Variants in FAM153A observed in about 807,000 individuals in gnomAD.
The protein encoded by FAM153A is family with sequence similarity 153 member A.
A neutral mutation model predicts 48.1 loss-of-function variants in FAM153A; 12 were observed. The ratio of observed to expected loss-of-function variants is 0.25; its 90% CI spans 0.16 to 0.40. The LOEUF is 0.40. Ranked by LOEUF, FAM153A falls within the 10% of genes least tolerant of loss-of-function variation. The pLI is 1.00. For missense variants in FAM153A, 111 were observed against 345.8 expected, an observed-to-expected ratio of 0.32 and a Z score of 5.38; for synonymous variants, 36 against 118.2, an observed-to-expected ratio of 0.30 and a Z score of 4.51.
chr5:177,760,802 G>C (rs1768242713), intron 1 of FAM153A, among the ~76,000 whole-genome samples: 1 of 102,048 alleles, frequency 9.8e-6, no homozygotes, highest in South Asian at 4.1e-4. Flanking sequence ...AAGAGGAAAA[G>C]ACAAGTCCAG....
intron 14 of FAM153A, among the ~76,000 whole-genome samples, chr5:177,733,764 CA>C (rs1350233053): frequency 2.7e-4 from 37 of 138,892 alleles, no homozygotes; most frequent in East Asian, 2.5e-3. Flanking sequence ...ATTCTAGTGG[CA>C]AGAGGAAATA....
upstream of FAM153A, among the ~76,000 whole-genome samples, chr5:177,754,774 T>C (rs146796857): frequency 0.014 from 2,111 of 151,908 alleles, 103 homozygotes; most frequent in African/African-American, 0.049. Context: ...CAGCTGAGGG[T>C]CCTGGCTGTT....
intron 25 of FAM153A, among the ~76,000 whole-genome samples, chr5:177,715,463 G>A (rs1445088688): frequency 6.6e-6 from 1 of 151,568 alleles, no homozygotes; most frequent in African/African-American, 2.4e-5. Flanking sequence ...CTCAAAATAT[G>A]GGAAAGACAA....
At chr5:177,759,202 C>A (rs1768058689) in intron 1 of FAM153A, among the ~76,000 whole-genome samples, 2 of 151,692 alleles carry the variant, frequency 1.3e-5, no homozygotes, top group South Asian at 2.1e-4. Context: ...ATGCAGCCAA[C>A]AGACACATGA....
At chr5:177,713,507 T>C (rs1758914885) in intron 26 of FAM153A, among the ~76,000 whole-genome samples, 1 of 151,578 alleles carries the variant, frequency 6.6e-6, no homozygotes, top group Non-Finnish European at 1.5e-5. Context: ...TCCGCCCACC[T>C]CAGCCTCCCA....
chr5:177,699,446 G>A, the FAM153A span, among the ~76,000 whole-genome samples: 1 of 151,654 alleles, frequency 6.6e-6, no homozygotes, highest in Non-Finnish European at 1.5e-5. Context: ...TTAGCTTTTA[G>A]CTAGCTAAAA....
the FAM153A span, among the ~76,000 whole-genome samples, chr5:177,696,481 C>T: frequency 6.6e-6 from 1 of 151,818 alleles, no homozygotes; most frequent in South Asian, 2.1e-4. Context: ...TGTGAAGTAC[C>T]TAAATTTATC....
chr5:177,755,073 G>A (rs1767574328), upstream of FAM153A, among the ~76,000 whole-genome samples: 1 of 151,748 alleles, frequency 6.6e-6, no homozygotes, highest in Non-Finnish European at 1.5e-5. Context: ...TGGCAAAGAA[G>A]TTAAAAACCT....
rs878940167 is a variant in FAM153A, at chr5:177,729,050, G to C, written c.937C>G (p.Gln313Glu). Residue 313 changes from glutamine to glutamate, a missense_variant, in exon 18 of 21, where the codon CAG becomes GAG. Gln to Glu is a conservative substitution (Grantham distance 29). This residue lies in a region of FAM153A where 35 missense variants were observed against 136.8 expected (regional missense o/e 0.26). Coordinates refer to ENST00000614127, the Ensembl canonical transcript of FAM153A. ...TTTGCCAGTGTGGCTGGGTCCACCT[G>C]CATCTAGAGAAAAAGAAAACACTAT... The C allele has an allele frequency of 1.1e-5, 7 of 627,012 alleles. No homozygotes were observed. In the South Asian group the frequency reaches 1.2e-4, roughly 11 times the overall value. 38.8% of individuals were successfully genotyped at this position (627,012 alleles called of 1,614,324 possible). A position where few individuals can be genotyped will look rare whatever the true frequency, so the allele number is the denominator to read the frequency against.
chr5:177,696,980 A>G, the FAM153A span, among the ~76,000 whole-genome samples: 1 of 151,954 alleles, frequency 6.6e-6, no homozygotes, highest in Non-Finnish European at 1.5e-5. Context: ...TCCTGCAAAA[A>G]AGGCAGGTGG....
intron 10 of FAM153A, among the ~76,000 whole-genome samples, chr5:177,738,322 A>G (rs1366718581): frequency 1.3e-5 from 2 of 151,376 alleles, no homozygotes; most frequent in Non-Finnish European, 2.9e-5. Context: ...AGAAAATAAC[A>G]CAGCACTGCA....
downstream of FAM153A, among the ~76,000 whole-genome samples, chr5:177,717,815 A>G (rs1760200336): frequency 1.0e-5 from 1 of 98,096 alleles, no homozygotes; most frequent in African/African-American, 4.5e-5. Flanking sequence ...AGAAGAAAAA[A>G]GCAACCAGAT....
the FAM153A span, among the ~76,000 whole-genome samples, chr5:177,701,103 C>T: frequency 6.6e-6 from 1 of 151,696 alleles, no homozygotes; most frequent in Admixed American, 6.6e-5. Flanking sequence ...TGTATAGTCC[C>T]TCCCCTCTCT....
At chr5:177,723,368 T>G (rs1015913249) in exon 21 of FAM153A, 2 of 126,474 alleles carry the variant, frequency 1.6e-5, no homozygotes, top group African/African-American at 2.8e-5. Context: ...TATGTGTACC[T>G]TATTTCAAGA....
At position 177,760,235 on chromosome 5, in the gene FAM153A, C is replaced by CT. The variant is rs56901584; in HGVS notation, c.-56-11537dup. On this transcript the variant is annotated intron_variant, in intron 1 of 8. Coordinates refer to the FAM153A transcript ENST00000393518. ...CTCTTAATGCCAAATTGGGAAAGAC[C>CT]TTTTTTTTTTTTTTTTTTTGAGATG... 8.3e-4 allele frequency among the ~76,000 whole-genome samples: 80 copies of CT among 96,220 alleles called. 3 individuals carry two copies. The highest frequency in any genetic ancestry group is 3.0e-3 in the African/African-American group (73 of 24,030). The allele number at this position is 96,220 out of a possible 152,430, so 63.1% of individuals were successfully genotyped here.
At chr5:177,764,829 T>C (rs1768611602) in intron 1 of FAM153A, among the ~76,000 whole-genome samples, 2 of 145,626 alleles carry the variant, frequency 1.4e-5, no homozygotes, top group South Asian at 4.6e-4. Flanking sequence ...TGGCTATGGA[T>C]ACCTGAGCTG....
chr5:177,710,724 C>A (rs1430223052), downstream of FAM153A, among the ~76,000 whole-genome samples: 1 of 144,092 alleles, frequency 6.9e-6, no homozygotes, highest in Non-Finnish European at 1.5e-5. Context: ...CCAGCCTGGT[C>A]AACATGGTGA....
chr5:177,705,325 AC>A (rs1561845169), downstream of FAM153A, among the ~76,000 whole-genome samples: 1 of 130,520 alleles, frequency 7.7e-6, no homozygotes, highest in Non-Finnish European at 1.6e-5. Context: ...AGTATATGGC[AC>A]CCCCACCCCC....
downstream of FAM153A, among the ~76,000 whole-genome samples, chr5:177,709,593 C>G (rs1758207446): frequency 2.0e-5 from 3 of 148,752 alleles, no homozygotes; most frequent in South Asian, 6.4e-4. Flanking sequence ...AAACTCCTGA[C>G]CTCGTGATTC....
Sources: allele counts gnomAD v4.1 joint callset (sites outside exome capture counted in the v4.1 genomes callset), GRCh38; gene constraint gnomAD v4.1.1; regional missense constraint gnomAD v4.1.1; transcripts MANE v1.5; gene names NCBI Gene and HGNC (gene_info 2026-07-23, HGNC 2026-07-21).